CBFB: variants seen among roughly 807,000 people sequenced by gnomAD.
The protein encoded by CBFB is CBF-beta.
A neutral mutation model predicts 30.4 loss-of-function variants in CBFB; 9 were observed. That is an observed-to-expected ratio of 0.30 (90% CI 0.18 to 0.52). CBFB has a LOEUF of 0.52. Among genes scored for constraint, CBFB ranks in the 20% least tolerant of loss-of-function variants. The pLI, the probability that CBFB is intolerant of heterozygous loss-of-function variation, is 0.97. For missense variants in CBFB, 170 were observed against 244.0 expected (o/e 0.70, Z 2.02); for synonymous variants, 94 against 84.0 (o/e 1.12, Z -0.65).
At chr16:67,044,766 GT>G (rs1339132762) in intron 3 of CBFB, among the ~76,000 whole-genome samples, 2 of 152,154 alleles carry the variant, frequency 1.3e-5, no homozygotes, top group Non-Finnish European at 2.9e-5. Context: ...ATTTGGCAGA[GT>G]TTACAGGACT....
intron 3 of CBFB, among the ~76,000 whole-genome samples, chr16:67,064,558 G>C (rs1457936200): frequency 1.3e-5 from 2 of 152,110 alleles, no homozygotes; most frequent in Admixed American, 1.3e-4. Context: ...TTAGGAGTGG[G>C]AAGATTGTAG....
chr16:67,046,301 A>G (rs1412286316), intron 3 of CBFB, among the ~76,000 whole-genome samples: 1 of 151,834 alleles, frequency 6.6e-6, no homozygotes, highest in Admixed American at 6.6e-5. Context: ...GGGTCTCACC[A>G]TGTTGCCCAG....
At chr16:67,049,441 A>T (rs962170181) in intron 3 of CBFB, among the ~76,000 whole-genome samples, 9 of 151,788 alleles carry the variant, frequency 5.9e-5, no homozygotes, top group African/African-American at 2.2e-4. Flanking sequence ...ACCTCAGGTG[A>T]TCTGCCCACC....
intron 3 of CBFB, among the ~76,000 whole-genome samples, chr16:67,038,142 A>G (rs371285140): frequency 9.9e-5 from 15 of 151,992 alleles, no homozygotes; most frequent in African/African-American, 3.4e-4. Context: ...TTTGTTTTGC[A>G]GTGTGTTTTT....
chr16:67,047,773 C>G (rs893376156), intron 3 of CBFB, among the ~76,000 whole-genome samples: 1 of 152,042 alleles, frequency 6.6e-6, no homozygotes, highest in Non-Finnish European at 1.5e-5. Flanking sequence ...CATTTCTTGG[C>G]CATTTTTTTA....
chr16:67,097,980 G>C (rs1212708647), intron 5 of CBFB, among the ~76,000 whole-genome samples: 1 of 152,182 alleles, frequency 6.6e-6, no homozygotes, highest in Non-Finnish European at 1.5e-5. Flanking sequence ...TTACAACAGT[G>C]CCCGCAGACA....
intron 3 of CBFB, among the ~76,000 whole-genome samples, chr16:67,065,487 C>T (rs1030828407): frequency 2.0e-5 from 3 of 152,294 alleles, no homozygotes; most frequent in Middle Eastern, 3.4e-3. Flanking sequence ...GGAATAAACA[C>T]ATTTCCATTT....
At chr16:67,061,474 T>C (rs1040726988) in intron 3 of CBFB, among the ~76,000 whole-genome samples, 1 of 151,832 alleles carries the variant, frequency 6.6e-6, no homozygotes, top group Non-Finnish European at 1.5e-5. Context: ...TTAAATGACA[T>C]TTTTTTTGAC....
intron 2 of CBFB, chr16:67,036,398 A>T (rs142999994): frequency 2.1e-4 from 88 of 418,706 alleles, no homozygotes; most frequent in African/African-American, 1.6e-3. Context: ...GACCTGAAAG[A>T]AAGTATTGAT....
At chr16:67,090,441 C>G (rs974046193) in intron 5 of CBFB, among the ~76,000 whole-genome samples, 1 of 152,132 alleles carries the variant, frequency 6.6e-6, no homozygotes, top group African/African-American at 2.4e-5. Context: ...TTCCCATGAC[C>G]TTTCTTTTTG....
chr16:67,029,194 C>T lies in CBFB; in HGVS notation c.-214C>T, dbSNP rs1475965728. 1.1e-5 allele frequency: 2 copies of T among 183,172 alleles called. No individual in the cohort carries two copies. The highest frequency in any genetic ancestry group is 2.0e-5 in the Non-Finnish European group (2 of 102,172). 11.3% of individuals were successfully genotyped at this position (183,172 alleles called of 1,614,324 possible). A position where few individuals can be genotyped will look rare whatever the true frequency, so the allele number is the denominator to read the frequency against. ...GGGCGGCAGGCAACGGCTGAGGCGG[C>T]GGCGGCGGCGGCGGCGGCGTGGGTT... is the stretch of plus-strand genomic sequence containing the variant. On this transcript the variant is annotated 5_prime_UTR_variant, in exon 1 of 6. Transcript: ENST00000412916.
chr16:67,087,554 C>T (rs566569047), intron 5 of CBFB, among the ~76,000 whole-genome samples: 1 of 152,268 alleles, frequency 6.6e-6, no homozygotes, highest in African/African-American at 2.4e-5. Flanking sequence ...GACCCTGTCT[C>T]CCTGACCCCA....
intron 4 of CBFB, among the ~76,000 whole-genome samples, chr16:67,067,467 G>A (rs952780569): frequency 1.3e-5 from 2 of 152,182 alleles, no homozygotes; most frequent in Non-Finnish European, 2.9e-5. Context: ...GCGGTGAGCC[G>A]AGATTGCGCT....
intron 4 of CBFB, among the ~76,000 whole-genome samples, chr16:67,079,644 C>T (rs1320852919): frequency 6.6e-6 from 1 of 151,052 alleles, no homozygotes; most frequent in African/African-American, 2.4e-5. Flanking sequence ...CATCTCTGAG[C>T]ACTGCATCAG....
In CBFB at chr16:67,100,517, C is replaced by A. The variant is rs2145793093; in HGVS notation, c.*1739C>A. 1 of 228,462 alleles carries A rather than the reference C, an allele frequency of 4.4e-6. No homozygotes were observed. Among genetic ancestry groups the A allele is most frequent in the Non-Finnish European group, 8.7e-6 (1 of 114,828 alleles). The allele number at this position is 228,462 out of a possible 1,614,324, so 14.2% of individuals were successfully genotyped here. A position where few individuals can be genotyped will look rare whatever the true frequency, so the allele number is the denominator to read the frequency against. On this transcript the variant is annotated 3_prime_UTR_variant, in exon 6 of 6. Coordinates refer to ENST00000412916, the MANE Select transcript of CBFB (RefSeq NM_022845.3). The stretch of plus-strand genomic sequence containing the variant: ...GTTGGTTTTGGTGTTGTACAGCTCA[C>A]ATGTTTACACACTCAGTGCCCTAAT...
chr16:67,036,840 C>A, intron 3 of CBFB, 85 bp downstream of exon 3: 1 of 813,402 alleles, frequency 1.2e-6, no homozygotes. Context: ...ATAAAGATCA[C>A]AGATCTGATT....
At chr16:67,069,546 A>G (rs1293160612) in intron 4 of CBFB, among the ~76,000 whole-genome samples, 1 of 152,184 alleles carries the variant, frequency 6.6e-6, no homozygotes, top group Non-Finnish European at 1.5e-5. Flanking sequence ...AAGGAAAGAA[A>G]GAGGTTGAAG....
intron 2 of CBFB, chr16:67,030,025 G>T (rs1017019815): frequency 2.2e-5 from 10 of 459,916 alleles, no homozygotes; most frequent in Non-Finnish European, 3.4e-5. Flanking sequence ...GCGGTGGCGC[G>T]TGTCGGCCAA....
chr16:67,088,243 T>C (rs748153355), intron 5 of CBFB, among the ~76,000 whole-genome samples: 1 of 152,092 alleles, frequency 6.6e-6, no homozygotes, highest in Non-Finnish European at 1.5e-5. Flanking sequence ...CTTCTTTGTC[T>C]TTTTTTTCCA....
Sources: gnomAD v4.1 joint callset for allele counts (sites outside exome capture counted in the v4.1 genomes callset) on GRCh38, gnomAD v4.1.1 for gene constraint, MANE v1.5 for transcripts, NCBI Gene and HGNC (gene_info 2026-07-23, HGNC 2026-07-21) for gene names.